The following ELAVL2 variants were observed in gnomAD, a reference collection of about 807,000 sequenced individuals.
The protein encoded by ELAVL2 is ELAV like RNA binding protein 2.
Under a neutral mutation model 34.6 loss-of-function variants are expected in ELAVL2, and 4 were observed. The observed-to-expected ratio is 0.12, with a 90% CI of 0.06 to 0.26. The LOEUF is 0.26. ELAVL2 is among the 10% of genes least tolerant of loss of function. The pLI, the probability that ELAVL2 is intolerant of heterozygous loss-of-function variation, is 1.00. For missense variants in ELAVL2, 432 were observed against 442.8 expected (o/e 0.98, Z 0.22); for synonymous variants, 193 against 154.8 (o/e 1.25, Z -1.83).
intron 3 of ELAVL2, among the ~76,000 whole-genome samples, chr9:23,707,468 C>G (rs886825588): frequency 6.6e-6 from 1 of 152,078 alleles, no homozygotes; most frequent in Non-Finnish European, 1.5e-5. Flanking sequence ...CCATTATGAA[C>G]AGCCATGTCC....
chr9:23,824,501 G>T (rs981309161), intron 1 of ELAVL2, among the ~76,000 whole-genome samples: 1 of 152,128 alleles, frequency 6.6e-6, no homozygotes, highest in African/African-American at 2.4e-5. Context: ...ACCCCAGCCG[G>T]CTTTGTAGCT....
the ELAVL2 span, among the ~76,000 whole-genome samples, chr9:23,831,802 T>TAA: frequency 6.8e-6 from 1 of 146,388 alleles, no homozygotes; most frequent in Non-Finnish European, 1.5e-5. Context: ...GAATATTGTT[T>TAA]AAAAAAAAAA....
At chr9:23,700,924 T>C (rs564026842) in intron 5 of ELAVL2, among the ~76,000 whole-genome samples, 3 of 152,014 alleles carry the variant, frequency 2.0e-5, no homozygotes, top group African/African-American at 7.2e-5. Flanking sequence ...ACAATTCAGA[T>C]AACCCCAGAA....
intron 2 of ELAVL2, among the ~76,000 whole-genome samples, chr9:23,761,471 A>G (rs757713678): frequency 6.6e-6 from 1 of 152,096 alleles, no homozygotes; most frequent in Non-Finnish European, 1.5e-5. Flanking sequence ...ACAATCATAT[A>G]CCATGTCCTT....
At chr9:23,830,011 C>G (rs1187688776), upstream of ELAVL2, 1 of 152,220 alleles carries the variant, frequency 6.6e-6, no homozygotes, top group African/African-American at 2.4e-5. Context: ...GCCCCGAACT[C>G]GCTGTGCACC....
intron 2 of ELAVL2, among the ~76,000 whole-genome samples, chr9:23,738,927 A>C (rs1402541019): frequency 1.3e-5 from 2 of 152,142 alleles, no homozygotes. Context: ...AGTAATTATG[A>C]ATCTGCTGGC....
At position 23,704,977 on chromosome 9, in the gene ELAVL2, T is replaced by G; in HGVS notation, c.428A>C (p.Gln143Pro). The G allele has an allele frequency of 6.2e-7, 1 of 1,614,168 alleles. No homozygotes were observed. The highest frequency in any genetic ancestry group is 2.2e-5 in the East Asian group (1 of 44,874). ...PKTMTQKELE[Q>P]LFSQYGRIIT... ...AATGCGTCCATATTGTGAAAAAAGCTGTTCCAACTCCTTCTGGGTCATTGT... is the reference window on the plus strand; with the variant it reads ...AATGCGTCCATATTGTGAAAAAAGCGGTTCCAACTCCTTCTGGGTCATTGT... Residue 143 changes from glutamine to proline, a missense_variant, in exon 4 of 7, where the codon CAG (glutamine) becomes CCG (proline). Physicochemically the swap from Gln to Pro is moderately conservative, Grantham distance 76. This residue lies in a region of ELAVL2 where 295 missense variants were observed against 306.1 expected (regional missense o/e 0.96). Coordinates refer to ENST00000397312, the MANE Select transcript of ELAVL2 (RefSeq NM_004432.5).
intron 5 of ELAVL2, among the ~76,000 whole-genome samples, chr9:23,700,744 A>G (rs1451601442): frequency 6.6e-6 from 1 of 152,212 alleles, no homozygotes; most frequent in Non-Finnish European, 1.5e-5. Flanking sequence ...CAATTTTGAA[A>G]AGGAAGAGAG....
chr9:23,754,632 T>C (rs1253082640), intron 2 of ELAVL2, among the ~76,000 whole-genome samples: 1 of 152,086 alleles, frequency 6.6e-6, no homozygotes. Flanking sequence ...TGGCTAATTT[T>C]TCTATTTTCA....
chr9:23,766,892 T>C (rs747494392), intron 1 of ELAVL2, among the ~76,000 whole-genome samples: 3 of 151,888 alleles, frequency 2.0e-5, no homozygotes, highest in Admixed American at 6.6e-5. Context: ...CTGAAACTCT[T>C]CGGAAAGAAA....
chr9:23,818,427 G>A (rs1289589275), intron 1 of ELAVL2, among the ~76,000 whole-genome samples: 1 of 152,124 alleles, frequency 6.6e-6, no homozygotes, highest in Non-Finnish European at 1.5e-5. Flanking sequence ...CCGGTTACAA[G>A]CTGGAAAAGC....
chr9:23,821,944 GC>G (rs1445520256), intron 1 of ELAVL2: 1 of 151,388 alleles, frequency 6.6e-6, no homozygotes, highest in African/African-American at 2.4e-5. Context: ...CGCGTGCCCT[GC>G]CCGACCGCCC....
intron 1 of ELAVL2, among the ~76,000 whole-genome samples, chr9:23,818,851 G>A (rs2138438366): frequency 6.6e-6 from 1 of 152,356 alleles, no homozygotes; most frequent in Non-Finnish European, 1.5e-5. Context: ...CTATTTCAGA[G>A]TATCTAGTCC....
chr9:23,751,955 G>A (rs2052171956), intron 2 of ELAVL2, among the ~76,000 whole-genome samples: 1 of 152,064 alleles, frequency 6.6e-6, no homozygotes, highest in Admixed American at 6.6e-5. Flanking sequence ...TTCCACCCCT[G>A]GAAAATCAAT....
At chr9:23,784,008 C>G (rs943909055) in intron 1 of ELAVL2, among the ~76,000 whole-genome samples, 1 of 151,934 alleles carries the variant, frequency 6.6e-6, no homozygotes, top group Non-Finnish European at 1.5e-5. Context: ...TCCTGGCTAA[C>G]ACGGTGAAAC....
At chr9:23,798,212 A>G (rs1325084803) in intron 1 of ELAVL2, among the ~76,000 whole-genome samples, 1 of 152,224 alleles carries the variant, frequency 6.6e-6, no homozygotes, top group African/African-American at 2.4e-5. Context: ...TTATCTGAGG[A>G]GACAGTTCAT....
At chr9:23,705,718 A>G (rs1282893316) in intron 3 of ELAVL2, among the ~76,000 whole-genome samples, 1 of 152,196 alleles carries the variant, frequency 6.6e-6, no homozygotes, top group Non-Finnish European at 1.5e-5. Context: ...CCTGATGAGA[A>G]TCTAATGCTG....
intron 1 of ELAVL2, among the ~76,000 whole-genome samples, chr9:23,789,408 G>C (rs188260049): frequency 6.6e-6 from 1 of 152,114 alleles, no homozygotes; most frequent in African/African-American, 2.4e-5. Flanking sequence ...ACAAAATTAC[G>C]TATTAAAATG....
At chr9:23,717,655 C>T (rs147602503) in intron 3 of ELAVL2, among the ~76,000 whole-genome samples, 303 of 152,228 alleles carry the variant, frequency 2.0e-3, no homozygotes, top group Non-Finnish European at 3.1e-3. Context: ...GAAATCAACA[C>T]AGAGGCCTCT....
Sources: gnomAD v4.1 joint callset for allele counts (sites outside exome capture counted in the v4.1 genomes callset) on GRCh38, gnomAD v4.1.1 for gene constraint, gnomAD v4.1.1 regional missense constraint, MANE v1.5 for transcripts, NCBI Gene and HGNC (gene_info 2026-07-23, HGNC 2026-07-21) for gene names.